ACVR2A: variants seen among roughly 807,000 people sequenced by gnomAD.
ACVR2A encodes activin A receptor type 2A.
Under a neutral mutation model 61.4 loss-of-function variants are expected in ACVR2A, and 7 were observed. The observed-to-expected ratio is 0.11, with a 90% CI of 0.06 to 0.21. ACVR2A has a LOEUF of 0.21. Ranked by LOEUF, ACVR2A falls within the 10% of genes least tolerant of loss-of-function variation. ACVR2A has a pLI of 1.00. For missense variants in ACVR2A, 322 were observed against 621.7 expected (o/e 0.52, Z 5.13); for synonymous variants, 193 against 208.3 (o/e 0.93, Z 0.63).
intron 2 of ACVR2A, chr2:147,898,097 T>G (rs1287885746): frequency 6.6e-6 from 1 of 152,200 alleles, no homozygotes; most frequent in African/African-American, 2.4e-5. Context: ...CCATTTTCAC[T>G]GGAGTCTGCA....
chr2:147,860,331 T>A (rs1169152474), intron 1 of ACVR2A, among the ~76,000 whole-genome samples: 1 of 152,088 alleles, frequency 6.6e-6, no homozygotes, highest in African/African-American at 2.4e-5. Context: ...CCAGATGGGT[T>A]GGCTGTTCCC....
chr2:147,890,918 G>GTA (rs1686566733), intron 1 of ACVR2A, among the ~76,000 whole-genome samples: 1 of 152,030 alleles, frequency 6.6e-6, no homozygotes, highest in South Asian at 2.1e-4. Context: ...AGCATTCCCC[G>GTA]TAAGCCATTT....
intron 1 of ACVR2A, among the ~76,000 whole-genome samples, chr2:147,850,963 C>T (rs534609466): frequency 7.9e-5 from 12 of 152,168 alleles, no homozygotes; most frequent in Non-Finnish European, 1.8e-4. Flanking sequence ...AGAATGTGGT[C>T]GTAGAGGTTG....
At chr2:147,917,469 C>T (rs1558813551) in intron 6 of ACVR2A, 43 bp downstream of exon 6, 1 of 1,599,138 alleles carries the variant, frequency 6.3e-7, no homozygotes, top group Non-Finnish European at 8.5e-7. Flanking sequence ...TCTGAGTTGG[C>T]CTGCCTACCT....
Position 147,927,409 on chromosome 2 carries a change from T to C in ACVR2A, c.*135T>C. On this transcript the variant is annotated 3_prime_UTR_variant, in exon 11 of 11. Transcript: ENST00000241416. ...GGAAATGTTAAGAAAGAAGACCCTT[T>C]GTTGAAAAATGTTGCTCTGGGAGAC... is the stretch of plus-strand genomic sequence containing the variant. 1 of 830,428 alleles carries C rather than the reference T, an allele frequency of 1.2e-6. No homozygotes were observed. The highest frequency in any genetic ancestry group is 1.8e-6 in the Non-Finnish European group (1 of 560,618). 51.4% of individuals were successfully genotyped at this position (830,428 alleles called of 1,614,324 possible).
chr2:147,915,385 C>T (rs1323625290), intron 5 of ACVR2A, 51 bp downstream of exon 5: 2 of 1,598,658 alleles, frequency 1.3e-6, no homozygotes, highest in Non-Finnish European at 1.7e-6. Flanking sequence ...ATGGCTAGGT[C>T]ATCATAACTC....
chr2:147,857,547 A>C (rs75009697), intron 1 of ACVR2A, among the ~76,000 whole-genome samples: 26 of 151,748 alleles, frequency 1.7e-4, no homozygotes, highest in African/African-American at 3.6e-4. Context: ...AAAAAAAAAA[A>C]AAAACAAAAA....
chr2:147,912,661 C>T (rs966490371), intron 4 of ACVR2A, among the ~76,000 whole-genome samples: 6 of 151,760 alleles, frequency 4.0e-5, no homozygotes, highest in African/African-American at 1.5e-4. Context: ...ATGAGTGAAA[C>T]TTACAGATGA....
At chr2:147,856,064 G>A (rs1055131508) in intron 1 of ACVR2A, among the ~76,000 whole-genome samples, 1 of 152,070 alleles carries the variant, frequency 6.6e-6, no homozygotes. Context: ...TACAATAAAG[G>A]CTGAAAGGAT....
Position 147,892,221 on chromosome 2 carries a change from C to T in ACVR2A, c.56-4080C>T, listed in dbSNP as rs1014379270. Among the ~76,000 whole-genome samples the T allele has an allele frequency of 4.6e-5, 7 of 152,142 alleles. No individual in the cohort carries two copies. In the South Asian group the frequency reaches 6.2e-4, roughly 14 times the overall value. On this transcript the variant is annotated intron_variant, in intron 1 of 10. Transcript: ENST00000241416. ...TCCTGACCTCATGATCCGCCTGCCT[C>T]GGCTTCCCAAAGTGCTGGCATTACA...
At chr2:147,855,916 A>G (rs1685560414) in intron 1 of ACVR2A, among the ~76,000 whole-genome samples, 1 of 152,036 alleles carries the variant, frequency 6.6e-6, no homozygotes, top group Non-Finnish European at 1.5e-5. Context: ...TATTTTTTTC[A>G]TAAGCTTACC....
At chr2:147,884,593 A>C (rs1686384738) in intron 1 of ACVR2A, among the ~76,000 whole-genome samples, 2 of 152,170 alleles carry the variant, frequency 1.3e-5, no homozygotes, top group Non-Finnish European at 2.9e-5. Flanking sequence ...TTTTCTCAGA[A>C]GTTTATAAGA....
At chr2:147,901,110 A>G (rs1199985484) in intron 4 of ACVR2A, among the ~76,000 whole-genome samples, 2 of 152,042 alleles carry the variant, frequency 1.3e-5, no homozygotes, top group Non-Finnish European at 2.9e-5. Context: ...ATTAAGAATC[A>G]TTTCTAAAAA....
chr2:147,926,202 A>C, intron 10 of ACVR2A, 41 bp downstream of exon 10: 1 of 1,587,488 alleles, frequency 6.3e-7, no homozygotes. Context: ...ATTCCAATAA[A>C]ACACTTTTCA....
At chr2:147,921,277 C>A (rs1180859240) in intron 8 of ACVR2A, among the ~76,000 whole-genome samples, 1 of 152,100 alleles carries the variant, frequency 6.6e-6, no homozygotes, top group Non-Finnish European at 1.5e-5. Flanking sequence ...TCAAGTGATC[C>A]TCCCACCTCG....
intron 1 of ACVR2A, among the ~76,000 whole-genome samples, chr2:147,858,311 A>C (rs1231965093): frequency 6.6e-6 from 1 of 152,194 alleles, no homozygotes; most frequent in East Asian, 1.9e-4. Flanking sequence ...GAACTATACC[A>C]GCACTTCGAA....
chr2:147,866,905 T>G (rs1685869876), intron 1 of ACVR2A, among the ~76,000 whole-genome samples: 1 of 152,086 alleles, frequency 6.6e-6, no homozygotes, highest in South Asian at 2.1e-4. Context: ...CTAGGCAGAA[T>G]GAGGAATGAA....
chr2:147,870,557 A>G (rs1253310290), intron 1 of ACVR2A, among the ~76,000 whole-genome samples: 3 of 152,132 alleles, frequency 2.0e-5, no homozygotes, highest in East Asian at 3.9e-4. Flanking sequence ...TTGGAGATCT[A>G]TGCATTAACC....
chr2:147,899,657 C>A, intron 3 of ACVR2A, 87 bp from the exon 4 acceptor site: 1 of 1,586,524 alleles, frequency 6.3e-7, no homozygotes, highest in Non-Finnish European at 8.6e-7. Context: ...GCCCCTACCT[C>A]TTCCCCAAAA....
Sources: gnomAD v4.1 joint callset for allele counts (sites outside exome capture counted in the v4.1 genomes callset) on GRCh38, gnomAD v4.1.1 for gene constraint, MANE v1.5 for transcripts, NCBI Gene and HGNC (gene_info 2026-07-23, HGNC 2026-07-21) for gene names.